Variants in RPS16 observed in about 807,000 individuals in gnomAD.
RPS16 encodes the protein ribosomal protein S16.
A neutral mutation model predicts 20.1 loss-of-function variants in RPS16; 2 were observed. That is an observed-to-expected ratio of 0.10 (90% CI 0.04 to 0.31). The LOEUF (loss-of-function observed/expected upper bound fraction) is 0.31, where lower values mean the gene tolerates loss of function less well. Ranked by LOEUF, RPS16 falls within the 10% of genes least tolerant of loss-of-function variation. The pLI is 1.00. For missense variants in RPS16, 129 were observed against 198.6 expected, an observed-to-expected ratio of 0.65 and a Z score of 2.11; for synonymous variants, 95 against 76.1, an observed-to-expected ratio of 1.25 and a Z score of -1.29.
In RPS16 at chr19:39,433,738, G is replaced by C. The variant is rs141530228; in HGVS notation, c.174C>G (p.Leu58=). Residue 58 remains leucine, a synonymous_variant, in exon 3 of 5, where the codon CTC becomes CTG. Coordinates refer to ENST00000251453, the MANE Select transcript of RPS16 (RefSeq NM_001020.6). ...CTACACCAGCAAATCGCTCCTTGCC[G>C]AGAAGCAGAACTGGCTCCAGCAGCT... ...QYKLLEPVLL[L]GKERFAGVDI... 2 of 1,614,128 alleles carry C rather than the reference G, an allele frequency of 1.2e-6. No individual in the cohort carries two copies. The highest frequency in any genetic ancestry group is 8.5e-7 in the Non-Finnish European group (1 of 1,180,010).
At position 39,433,515 on chromosome 19, in the gene RPS16, C is replaced by A; in HGVS notation, c.295+7G>T. Reference sequence around the variant, plus strand: ...CTACCTCATGGGAAGGACCCATGCTCACTCACATTTCTGGTAATAGGCCAC... The same window carrying A: ...CTACCTCATGGGAAGGACCCATGCTAACTCACATTTCTGGTAATAGGCCAC... On this transcript the variant is annotated splice_region_variant and intron_variant, in intron 4 of 4. Coordinates refer to ENST00000251453, the MANE Select transcript of RPS16 (RefSeq NM_001020.6). 6.2e-7 allele frequency: 1 copy of A among 1,614,086 alleles called. No individual in the cohort carries two copies. Among genetic ancestry groups the A allele is most frequent in the South Asian group, 1.1e-5 (1 of 91,074 alleles).
rs770955255 is a variant in RPS16 at position 39,433,779 on chromosome 19, G to A, written c.151-18C>T. The stretch of plus-strand genomic sequence containing the variant: ...TCCAGCAGCTAAAGGAATGGGGAAT[G>A]AACAGGGATTTAAGTTACATGCTGG... On this transcript the variant is annotated intron_variant, in intron 2 of 4. Transcript: ENST00000251453. 2 of 1,612,400 alleles carry A rather than the reference G, an allele frequency of 1.2e-6. No individual in the cohort carries two copies. The highest frequency in any genetic ancestry group is 2.2e-5 in the South Asian group (2 of 90,870).
intron 2 of RPS16, 80 bp downstream of exon 2, chr19:39,435,527 C>A (rs1019680440): frequency 7.6e-6 from 9 of 1,177,898 alleles, no homozygotes; most frequent in South Asian, 6.5e-5. Flanking sequence ...TGATGCCAGC[C>A]CCCCCAGCTT....
rs373168078 is a variant in RPS16, at chr19:39,435,904, G to A, written c.-9C>T. The A allele has an allele frequency of 1.2e-6, 2 of 1,604,370 alleles. No individual in the cohort carries two copies. The highest frequency in any genetic ancestry group is 1.7e-6 in the Non-Finnish European group (2 of 1,179,956). On this transcript the variant is annotated 5_prime_UTR_variant, in exon 1 of 5. Coordinates refer to ENST00000251453, the MANE Select transcript of RPS16 (RefSeq NM_001020.6). ...GGGCCCTTGGACGGCATGGCTCCGA[G>A]CGTGGACTAGACAACCTCACCGCGC... is the stretch of plus-strand genomic sequence containing the variant.
rs372235282 is a variant in RPS16 at position 39,433,380 on chromosome 19, G to C, written c.334C>G (p.Leu112Val). The C allele has an allele frequency of 2.5e-6, 4 of 1,614,170 alleles. No individual in the cohort carries two copies. The highest frequency in any genetic ancestry group is 3.4e-6 in the Non-Finnish European group (4 of 1,180,036). The change falls in exon 5 of 5, where the codon CTC (leucine) becomes GTC (valine). Residue 112 changes from leucine to valine, a missense_variant. Transcript: ENST00000251453. ...AGCAGGGTCCGGTCATACTGGATGAGGATGTCTTTGATCTCCTTCTTGGAA... is the reference window on the plus strand; with the variant it reads ...AGCAGGGTCCGGTCATACTGGATGACGATGTCTTTGATCTCCTTCTTGGAA... The part of the protein sequence containing the change: ...EASKKEIKDI[L>V]IQYDRTLLVA...
In RPS16 at chr19:39,435,666, G is replaced by A. The variant is rs2078857801; in HGVS notation, c.91C>T (p.Leu31Phe). 6.2e-7 allele frequency: 1 copy of A among 1,613,946 alleles called. No individual in the cohort carries two copies. Among genetic ancestry groups the A allele is most frequent in the South Asian group, 1.1e-5 (1 of 91,092 alleles). ...AGGGGCCGCCCGTTCACCTTGATGA[G>A]ACCATTGCCGCGTTTGCAGTGCGCC... ...AVAHCKRGNGLIKVNGRPLEM... is the reference protein window; with the variant it reads ...AVAHCKRGNGFIKVNGRPLEM... Residue 31 changes from leucine (L) to phenylalanine (F), a missense_variant, in exon 2 of 5, where the codon CTC becomes TTC. Coordinates refer to ENST00000251453, the MANE Select transcript of RPS16 (RefSeq NM_001020.6).
At position 39,435,909 on chromosome 19, in the gene RPS16, G is replaced by T. The variant is rs73547999; in HGVS notation, c.-14C>A. The T allele has an allele frequency of 2.5e-6, 4 of 1,603,962 alleles. No homozygotes were observed. The highest frequency in any genetic ancestry group is 2.2e-5 in the South Asian group (2 of 91,080). On this transcript the variant is annotated 5_prime_UTR_variant, in exon 1 of 5. Coordinates refer to ENST00000251453, the MANE Select transcript of RPS16 (RefSeq NM_001020.6). The stretch of plus-strand genomic sequence containing the variant: ...CTTGGACGGCATGGCTCCGAGCGTG[G>T]ACTAGACAACCTCACCGCGCGGCGC...
At chr19:39,433,899 A>G in intron 2 of RPS16, 138 bp from the exon 3 acceptor site, 1 of 751,026 alleles carries the variant, frequency 1.3e-6, no homozygotes, top group Non-Finnish European at 2.2e-6. Flanking sequence ...TGTCACTCCA[A>G]GGCCCTCTAC....
intron 2 of RPS16, chr19:39,435,303 CAAAT>C (rs144927398): frequency 0.05 from 17,929 of 355,426 alleles, 2,050 homozygotes; most frequent in African/African-American, 0.29. Context: ...CCTCTCAAAA[CAAAT>C]AAATAAAATA....
At chr19:39,435,017 G>A (rs1038055557) in intron 2 of RPS16, 14 of 152,638 alleles carry the variant, frequency 9.2e-5, no homozygotes, top group African/African-American at 3.1e-4. Flanking sequence ...ACCCAAATTC[G>A]GCCGCACACG....
rs1371603429 is a variant in RPS16, at chr19:39,435,416, AACC to A, written c.150+188_150+190del. 3.6e-5 allele frequency: 21 copies of A among 579,224 alleles called. 1 individual carries two copies. Among genetic ancestry groups the A allele is most frequent in the Middle Eastern group, 4.5e-4 (1 of 2,208 alleles). The allele number at this position is 579,224 out of a possible 1,614,324, so 35.9% of individuals were successfully genotyped here. A position where few individuals can be genotyped will look rare whatever the true frequency, so the allele number is the denominator to read the frequency against. ...TCAAAGCAAACCCTTAATCTTCAAC[AACC>A]CCATCTCAGCTTTTACATCTTCTGA... is the stretch of plus-strand genomic sequence containing the variant. On this transcript the variant is annotated intron_variant, in intron 2 of 4. Transcript: ENST00000251453.
In RPS16 at chr19:39,433,162, C is replaced by T; in HGVS notation, c.*111G>A. 1.7e-6 allele frequency: 2 copies of T among 1,194,700 alleles called. No homozygotes were observed. Among genetic ancestry groups the T allele is most frequent in the South Asian group, 1.4e-5 (1 of 71,624 alleles). 74.0% of individuals were successfully genotyped at this position (1,194,700 alleles called of 1,614,324 possible). A position where few individuals can be genotyped will look rare whatever the true frequency, so the allele number is the denominator to read the frequency against. On this transcript the variant is annotated 3_prime_UTR_variant, in exon 5 of 5. Transcript: ENST00000251453. The stretch of plus-strand genomic sequence containing the variant: ...ATAGGTCCAGGATGTTTACTGATTT[C>T]TGTCTGGTTAAACATCCAATACCAA...
chr19:39,433,575 A>G lies in RPS16; in HGVS notation c.248-6T>C, dbSNP rs1449426369. The G allele has an allele frequency of 4.3e-6, 7 of 1,614,086 alleles. No individual in the cohort carries two copies. In the Admixed American group the frequency reaches 1.0e-4, roughly 23 times the overall value. ...GGAGATGGACTGACGGATAGCTGTGAGAAAGACACACAATTAAAGGGTACA... is the reference window on the plus strand; with the variant it reads ...GGAGATGGACTGACGGATAGCTGTGGGAAAGACACACAATTAAAGGGTACA... On this transcript the variant is annotated splice_polypyrimidine_tract_variant and splice_region_variant and intron_variant, in intron 3 of 4. Transcript: ENST00000251453.
chr19:39,435,070 T>G (rs1288896269), intron 2 of RPS16: 1 of 153,002 alleles, frequency 6.5e-6, no homozygotes, highest in Non-Finnish European at 1.5e-5. Flanking sequence ...AGGCCGAGGC[T>G]GGTGGATCAC....
At position 39,435,698 on chromosome 19, in the gene RPS16, G is replaced by A. The variant is rs775134964; in HGVS notation, c.59C>T (p.Thr20Ile). 5.6e-6 allele frequency: 9 copies of A among 1,613,632 alleles called. No individual in the cohort carries two copies. Among genetic ancestry groups the A allele is most frequent in the Non-Finnish European group, 6.8e-6 (8 of 1,179,964 alleles). ...VQVFGRKKTA[T>I]AVAHCKRGNG... ...GCCGCGTTTGCAGTGCGCCACAGCT[G>A]TCGCTGTCTTCTGTAAGATACAAGA... Residue 20 changes from threonine to isoleucine, a missense_variant, in exon 2 of 5, where the codon ACA becomes ATA. Physicochemically the swap from Thr to Ile is moderately conservative, Grantham distance 89. Coordinates refer to ENST00000251453, the MANE Select transcript of RPS16 (RefSeq NM_001020.6).
intron 2 of RPS16, chr19:39,434,493 A>G (rs935490521): frequency 6.6e-6 from 1 of 152,402 alleles, no homozygotes; most frequent in Non-Finnish European, 1.5e-5. Flanking sequence ...AGTGACAGCC[A>G]ATAACAGTAA....
At chr19:39,433,873 T>C in intron 2 of RPS16, 112 bp from the exon 3 acceptor site, 1 of 980,492 alleles carries the variant, frequency 1.0e-6, no homozygotes, top group Non-Finnish European at 1.5e-6. Context: ...CAAGTACTAG[T>C]GGATGGGGGT....
intron 2 of RPS16, 35 bp downstream of exon 2, chr19:39,435,572 T>C: frequency 6.4e-7 from 1 of 1,560,546 alleles, no homozygotes; most frequent in Non-Finnish European, 8.8e-7. Context: ...CCAAGAGTCC[T>C]CCATCCACTC....
chr19:39,435,946 A>C lies in RPS16; in HGVS notation c.-51T>G. The C allele has an allele frequency of 6.2e-7, 1 of 1,600,860 alleles. No homozygotes were observed. The highest frequency in any genetic ancestry group is 8.5e-7 in the Non-Finnish European group (1 of 1,179,688). ...TCACCGCGCGGCGCCGCAACCGGAA[A>C]AGGAAAGCTAGGGGCCACCCTGGCC... On this transcript the variant is annotated 5_prime_UTR_variant, in exon 1 of 5. Transcript: ENST00000251453.
Sources: gnomAD v4.1 joint callset for allele counts on GRCh38, gnomAD v4.1.1 for gene constraint, MANE v1.5 for transcripts, NCBI Gene and HGNC (gene_info 2026-07-23, HGNC 2026-07-21) for gene names.